Variants in KCNMA1 observed in about 807,000 individuals in gnomAD.
KCNMA1 encodes Calcium-activated potassium channel subunit alpha-1.
KCNMA1 carries 29 observed loss-of-function variants against 140.0 expected under a neutral mutation model. The ratio of observed to expected loss-of-function variants is 0.21; its 90% confidence interval spans 0.15 to 0.28. The LOEUF (loss-of-function observed/expected upper bound fraction) is 0.28, where lower values mean the gene tolerates loss of function less well. Among genes scored for constraint, KCNMA1 ranks in the 10% least tolerant of loss-of-function variants. The pLI is 1.00. For missense variants in KCNMA1, 880 were observed against 1,602.2 expected, an observed-to-expected ratio of 0.55 and a Z score of 7.70; for synonymous variants, 612 against 611.9, an observed-to-expected ratio of 1.00 and a Z score of 0.00.
chr10:77,231,037 A>G (rs1435094303), intron 3 of KCNMA1, among the ~76,000 whole-genome samples: 1 of 152,124 alleles, frequency 6.6e-6, no homozygotes. Context: ...ATTTTAACAC[A>G]CCTGGGCTGA....
At chr10:77,427,157 C>T (rs941004283) in intron 1 of KCNMA1, among the ~76,000 whole-genome samples, 3 of 152,222 alleles carry the variant, frequency 2.0e-5, no homozygotes, top group Non-Finnish European at 2.9e-5. Context: ...ACATCAGCAT[C>T]ATGGTGCTGT....
In KCNMA1 at chr10:76,887,420, C is replaced by T. The variant is rs200141207; in HGVS notation, c.3557G>A (p.Arg1186Gln). The T allele has an allele frequency of 3.3e-5, 53 of 1,614,042 alleles. No individual in the cohort carries two copies. The highest frequency in any genetic ancestry group is 3.6e-5 in the Non-Finnish European group (43 of 1,180,000). ...GTGGGAGGAATGGGACAGGCTGGCC[C>T]GGGACTGGCCGGCATTGTGGTCAAA... The part of the protein sequence containing the change: ...MQFDHNAGQS[R>Q]ASLSHSSHSS... Residue 1186 changes from arginine to glutamine, a missense_variant, in exon 28 of 28, where the codon CGG becomes CAG. By Grantham distance (43) the Arg-to-Gln change is conservative (BLOSUM62 1). Around this residue, in one of 13 missense-constraint regions of KCNMA1, gnomAD observed 115 missense variants for 139.9 expected, o/e 0.82. Coordinates refer to ENST00000286628, the MANE Select transcript of KCNMA1 (RefSeq NM_001161352.2).
chr10:77,160,710 T>C (rs752939310), intron 5 of KCNMA1, among the ~76,000 whole-genome samples: 3 of 152,250 alleles, frequency 2.0e-5, no homozygotes, highest in Non-Finnish European at 2.9e-5. Flanking sequence ...TCAAATACAG[T>C]AATGCTTACA....
chr10:77,371,176 A>T (rs1327229699), intron 2 of KCNMA1, among the ~76,000 whole-genome samples: 1 of 151,986 alleles, frequency 6.6e-6, no homozygotes, highest in Non-Finnish European at 1.5e-5. Flanking sequence ...CCTTTCCTTT[A>T]TTTTGTTTCC....
At position 77,510,638 on chromosome 10, in the gene KCNMA1, A is replaced by G. The variant is rs1000238890; in HGVS notation, c.379-106615T>C. On this transcript the variant is annotated intron_variant, in intron 1 of 27. Transcript: ENST00000286628. ...CAAGACCCTGTCTCTACAAAAAAAA[A>G]AAAGAAAAAATTAGCTGGGCATGGG... 2.6e-5 allele frequency among the ~76,000 whole-genome samples: 4 copies of G among 151,846 alleles called. No homozygotes were observed. In the East Asian group the frequency reaches 7.7e-4, roughly 29 times the overall value.
intron 3 of KCNMA1, among the ~76,000 whole-genome samples, chr10:77,236,321 C>T (rs1377254907): frequency 1.3e-5 from 2 of 152,130 alleles, no homozygotes; most frequent in Non-Finnish European, 2.9e-5. Context: ...GTATCTTTTC[C>T]CTGTAATAAA....
At chr10:76,974,446 G>T in intron 19 of KCNMA1, 1 of 1,133,376 alleles carries the variant, frequency 8.8e-7, no homozygotes, top group Non-Finnish European at 1.3e-6. Flanking sequence ...GGGCTGCAGG[G>T]TAGTTATTAA....
intron 1 of KCNMA1, among the ~76,000 whole-genome samples, chr10:77,499,461 A>C (rs965698130): frequency 6.6e-6 from 1 of 151,576 alleles, no homozygotes; most frequent in Non-Finnish European, 1.5e-5. Context: ...ACACACATAT[A>C]TATATACACA....
chr10:77,202,387 GAATTAACCCACAGT>G (rs2042750876), intron 3 of KCNMA1, among the ~76,000 whole-genome samples: 2 of 152,286 alleles, frequency 1.3e-5, no homozygotes, highest in Admixed American at 1.3e-4. Flanking sequence ...CAAGCTTCTA[GAATTAACCCACAGT>G]AATCTCTTCA....
intron 1 of KCNMA1, among the ~76,000 whole-genome samples, chr10:77,510,541 T>C (rs566131144): frequency 7.9e-5 from 12 of 152,070 alleles, no homozygotes; most frequent in African/African-American, 2.9e-4. Context: ...AAGATTGTTA[T>C]CTTCAAAAAC....
At chr10:77,027,116 TA>T in intron 16 of KCNMA1, among the ~76,000 whole-genome samples, 1 of 152,324 alleles carries the variant, frequency 6.6e-6, no homozygotes, top group East Asian at 1.9e-4. Flanking sequence ...ATTTTATCTG[TA>T]AGGTGTACAG....
At chr10:77,332,249 A>C (rs887228957) in intron 2 of KCNMA1, among the ~76,000 whole-genome samples, 1 of 152,168 alleles carries the variant, frequency 6.6e-6, no homozygotes, top group Non-Finnish European at 1.5e-5. Flanking sequence ...GAGGGAAAAA[A>C]AGGAGAGAGA....
chr10:77,034,179 G>C (rs1251297077), intron 15 of KCNMA1, among the ~76,000 whole-genome samples: 1 of 151,292 alleles, frequency 6.6e-6, no homozygotes, highest in Non-Finnish European at 1.5e-5. Context: ...CAGAGGACAA[G>C]GTTGCCGTGA....
chr10:77,598,138 T>C (rs2081474091), intron 1 of KCNMA1, among the ~76,000 whole-genome samples: 2 of 152,076 alleles, frequency 1.3e-5, no homozygotes, highest in Admixed American at 6.5e-5. Context: ...ACCTGGCTAA[T>C]TTTTGTATTT....
intron 1 of KCNMA1, among the ~76,000 whole-genome samples, chr10:77,632,792 T>TA (rs1239422233): frequency 6.6e-6 from 1 of 152,244 alleles, no homozygotes; most frequent in East Asian, 1.9e-4. Context: ...AGTTACCACT[T>TA]ACAAGAGGCC....
In KCNMA1 at chr10:77,037,927, T is replaced by A. The variant is rs531647861; in HGVS notation, c.1859+1601A>T. ...CCTCTGAATGCTTAACTCCTCTCAG[T>A]GGCAGGAAGAGAAATAGCTCTCAAA... On this transcript the variant is annotated intron_variant, in intron 15 of 27. Coordinates refer to ENST00000286628, the MANE Select transcript of KCNMA1 (RefSeq NM_001161352.2). Among the ~76,000 whole-genome samples, 4 of 152,262 alleles carry A rather than the reference T, an allele frequency of 2.6e-5. No homozygotes were observed. The South Asian group carries it at 8.3e-4, about 32-fold the overall frequency.
chr10:77,205,621 T>G (rs376339283), intron 3 of KCNMA1, among the ~76,000 whole-genome samples: 9 of 151,998 alleles, frequency 5.9e-5, no homozygotes, highest in African/African-American at 1.9e-4. Flanking sequence ...TTGATGAAGG[T>G]TTCTTATAGT....
Position 77,001,546 on chromosome 10 carries a change from T to C in KCNMA1, c.2127A>G (p.Ala709=). The C allele has an allele frequency of 6.4e-7, 1 of 1,552,104 alleles. No individual in the cohort carries two copies. The highest frequency in any genetic ancestry group is 8.7e-7 in the Non-Finnish European group (1 of 1,146,978). ...KMSIYKRMRR[A]CCFDCGRSER... Reference sequence around the variant, plus strand: ...CAGAACGTCCGCAATCAAAACAACATGCCCGTCTCATTCTCTTGTAGATGG... The same window carrying C: ...CAGAACGTCCGCAATCAAAACAACACGCCCGTCTCATTCTCTTGTAGATGG... The change falls in exon 19 of 28, where the codon GCA becomes GCG. Residue 709 remains alanine (A), a synonymous_variant. Transcript: ENST00000286628.
chr10:77,288,815 C>CATTTTAACAAG, intron 2 of KCNMA1, among the ~76,000 whole-genome samples: 1 of 152,320 alleles, frequency 6.6e-6, no homozygotes, highest in East Asian at 1.9e-4. Flanking sequence ...CTGATACTCG[C>CATTTTAACAAG]ATTTTAACAA....
Sources: gnomAD v4.1 joint callset for allele counts (sites outside exome capture counted in the v4.1 genomes callset) on GRCh38, gnomAD v4.1.1 for gene constraint, gnomAD v4.1.1 regional missense constraint, MANE v1.5 for transcripts, NCBI Gene and HGNC (gene_info 2026-07-23, HGNC 2026-07-21) for gene names.